The following PIBF1 variants were observed in gnomAD, a reference collection of about 807,000 sequenced individuals.
PIBF1 encodes the protein progesterone-induced-blocking factor 1.
In PIBF1, 90 loss-of-function variants were observed where a neutral mutation model predicts 112.5. That is an observed-to-expected ratio of 0.80 (90% CI 0.67 to 0.95). PIBF1 has a LOEUF of 0.95. PIBF1 is among the 40% of genes least tolerant of loss of function. The pLI is 0.00. For synonymous variants in PIBF1, 301 were observed against 288.6 expected (o/e 1.04, Z -0.44); for missense variants, 915 against 852.3 (o/e 1.07, Z -0.92).
chr13:72,940,837 T>G (rs1395943665), intron 14 of PIBF1, among the ~76,000 whole-genome samples: 1 of 152,228 alleles, frequency 6.6e-6, no homozygotes, highest in African/African-American at 2.4e-5. Flanking sequence ...TTGCCCATGT[T>G]CACTTCAGAG....
chr13:72,798,208 G>C (rs1030577609), intron 5 of PIBF1, among the ~76,000 whole-genome samples, 182 bp downstream of exon 5: 1 of 152,180 alleles, frequency 6.6e-6, no homozygotes, highest in African/African-American at 2.4e-5. Context: ...ACATTGACAA[G>C]ACAAGTCTGT....
chr13:72,809,326 G>A (rs1382399682), intron 5 of PIBF1, among the ~76,000 whole-genome samples: 2 of 151,362 alleles, frequency 1.3e-5, no homozygotes, highest in Admixed American at 6.6e-5. Context: ...TTAGAACTTG[G>A]AGAATGGAGT....
At chr13:72,931,848 T>C (rs996501978) in intron 14 of PIBF1, among the ~76,000 whole-genome samples, 1 of 149,618 alleles carries the variant, frequency 6.7e-6, no homozygotes, top group Admixed American at 6.7e-5. Flanking sequence ...AAACCGGAGG[T>C]ACTACTTTGC....
intron 9 of PIBF1, 119 bp downstream of exon 9, chr13:72,835,487 G>T: frequency 1.5e-6 from 1 of 680,912 alleles, no homozygotes. Flanking sequence ...GAGAAAACTT[G>T]TCATAAATTG....
chr13:72,827,219 G>T (rs2036855099), intron 7 of PIBF1, 101 bp downstream of exon 7: 14 of 352,646 alleles, frequency 4.0e-5, no homozygotes, highest in East Asian at 4.8e-5. Context: ...TTGTTATGTA[G>T]TTCCTCCCAA....
At chr13:73,001,101 A>G (rs1594349482) in intron 17 of PIBF1, among the ~76,000 whole-genome samples, 1 of 152,326 alleles carries the variant, frequency 6.6e-6, no homozygotes, top group South Asian at 2.1e-4. Context: ...AACCGACTAG[A>G]TAACCTGGGG....
At chr13:72,964,907 C>T (rs2042699811) in intron 14 of PIBF1, among the ~76,000 whole-genome samples, 1 of 152,014 alleles carries the variant, frequency 6.6e-6, no homozygotes, top group African/African-American at 2.4e-5. Context: ...ACTAAAATTA[C>T]AAAAATTAGT....
At chr13:72,863,457 C>T (rs1253277025) in intron 10 of PIBF1, among the ~76,000 whole-genome samples, 1 of 151,706 alleles carries the variant, frequency 6.6e-6, no homozygotes, top group African/African-American at 2.4e-5. Context: ...TGAGACCATC[C>T]TGGCTAACAC....
At chr13:72,804,550 GA>G (rs2035631160) in intron 5 of PIBF1, among the ~76,000 whole-genome samples, 1 of 152,154 alleles carries the variant, frequency 6.6e-6, no homozygotes, top group Admixed American at 6.5e-5. Context: ...CCTTAGGGGA[GA>G]GGGGAGGGAG....
chr13:72,985,871 C>G (rs2043272818), intron 16 of PIBF1, among the ~76,000 whole-genome samples: 1 of 152,080 alleles, frequency 6.6e-6, no homozygotes, highest in Admixed American at 6.6e-5. Context: ...AGGCCAGGGT[C>G]CAGCACAGTG....
At chr13:72,783,781 A>G in intron 2 of PIBF1, 60 bp downstream of exon 2, 1 of 1,432,434 alleles carries the variant, frequency 7.0e-7, no homozygotes, top group Non-Finnish European at 9.7e-7. Context: ...CGGCAGGTAA[A>G]TAAGAATTAA....
chr13:72,805,991 A>G (rs752237570), intron 5 of PIBF1, among the ~76,000 whole-genome samples: 6 of 152,258 alleles, frequency 3.9e-5, no homozygotes, highest in Non-Finnish European at 7.3e-5. Flanking sequence ...AACAAATTAT[A>G]TAGACTTTCA....
At chr13:72,926,500 T>C (rs2041487719) in intron 13 of PIBF1, among the ~76,000 whole-genome samples, 1 of 152,234 alleles carries the variant, frequency 6.6e-6, no homozygotes, top group African/African-American at 2.4e-5. Context: ...TAAATGACTG[T>C]AGTCTTCTTC....
chr13:72,853,061 A>G (rs939733776), intron 9 of PIBF1, among the ~76,000 whole-genome samples: 2 of 93,390 alleles, frequency 2.1e-5, no homozygotes, highest in South Asian at 3.5e-4. Context: ...AGGAGATTTA[A>G]AAAAAAAAAT....
At chr13:72,931,934 CTTTCTT>C (rs2041717867) in intron 14 of PIBF1, among the ~76,000 whole-genome samples, 1 of 108,680 alleles carries the variant, frequency 9.2e-6, no homozygotes, top group Non-Finnish European at 1.8e-5. Flanking sequence ...TTCTTTGTTT[CTTTCTT>C]TTTTTTTTTT....
intron 13 of PIBF1, among the ~76,000 whole-genome samples, chr13:72,919,403 C>T (rs900632278): frequency 1.3e-5 from 2 of 152,124 alleles, no homozygotes. Flanking sequence ...GGTGAGGATT[C>T]AGATATTTCA....
chr13:72,917,784 G>A (rs926756405), intron 13 of PIBF1, among the ~76,000 whole-genome samples: 2 of 152,042 alleles, frequency 1.3e-5, no homozygotes, highest in African/African-American at 4.8e-5. Context: ...TTTTTTTCTT[G>A]TCATTATTCC....
chr13:72,931,718 GTATA>G (rs3077704), intron 14 of PIBF1, among the ~76,000 whole-genome samples: 5,269 of 101,928 alleles, frequency 0.052, 224 homozygotes, highest in Middle Eastern at 0.13. Flanking sequence ...TTTAAACTAC[GTATA>G]TATATATATA....
At chr13:73,000,998 T>C (rs2043846908) in intron 17 of PIBF1, among the ~76,000 whole-genome samples, 1 of 152,174 alleles carries the variant, frequency 6.6e-6, no homozygotes. Context: ...TCAAAAGAGG[T>C]ACAAGCTCAG....
Sources: allele counts gnomAD v4.1 joint callset (sites outside exome capture counted in the v4.1 genomes callset), GRCh38; gene constraint gnomAD v4.1.1; transcripts MANE v1.5; gene names NCBI Gene and HGNC (gene_info 2026-07-23, HGNC 2026-07-21).